CNTN5: variants seen among roughly 807,000 people sequenced by gnomAD.
The protein encoded by CNTN5 is contactin-5.
CNTN5 carries 77 observed loss-of-function variants against 129.1 expected under a neutral mutation model. That is an observed-to-expected ratio of 0.60 (90% confidence interval 0.50 to 0.72). CNTN5 has a LOEUF of 0.72. CNTN5 is among the 30% of genes least tolerant of loss of function. The pLI, the probability that CNTN5 is intolerant of heterozygous loss-of-function variation, is 0.00. For synonymous variants in CNTN5, 509 were observed against 465.6 expected (o/e 1.09, Z -1.20); for missense variants, 1,478 against 1,328.8 (o/e 1.11, Z -1.75).
intron 3 of CNTN5, among the ~76,000 whole-genome samples, chr11:99,775,763 T>C (rs764487793): frequency 6.6e-6 from 1 of 151,720 alleles, no homozygotes; most frequent in Non-Finnish European, 1.5e-5. Context: ...AGCATTAATA[T>C]ATTTTAAGTG....
At chr11:99,974,416 G>A (rs549540620) in intron 8 of CNTN5, among the ~76,000 whole-genome samples, 6 of 152,100 alleles carry the variant, frequency 3.9e-5, no homozygotes, top group South Asian at 2.1e-4. Flanking sequence ...CCTCCCTTAG[G>A]ATATCAGTGC....
At chr11:99,454,475 G>A (rs769944111) in intron 2 of CNTN5, among the ~76,000 whole-genome samples, 4 of 151,924 alleles carry the variant, frequency 2.6e-5, no homozygotes, top group Admixed American at 6.6e-5. Flanking sequence ...TCCTTCGCTC[G>A]GCACTTCTTC....
intron 3 of CNTN5, among the ~76,000 whole-genome samples, chr11:99,785,532 A>G (rs564268208): frequency 2.2e-4 from 34 of 152,298 alleles, no homozygotes; most frequent in African/African-American, 7.9e-4. Context: ...AAAACCTAGC[A>G]GAGACCCAAC....
At chr11:99,706,623 C>A (rs921921167) in intron 3 of CNTN5, among the ~76,000 whole-genome samples, 1 of 151,280 alleles carries the variant, frequency 6.6e-6, no homozygotes, top group African/African-American at 2.4e-5. Flanking sequence ...TATGTGGTGT[C>A]GTCAGAAACT....
intron 1 of CNTN5, among the ~76,000 whole-genome samples, chr11:99,201,062 T>C (rs1859155706): frequency 1.5e-5 from 2 of 131,622 alleles, no homozygotes; most frequent in Non-Finnish European, 3.2e-5. Flanking sequence ...TCTTGACCTG[T>C]CGCCCAGGCT....
chr11:99,835,104 A>C (rs934374919), intron 4 of CNTN5, among the ~76,000 whole-genome samples: 2 of 152,206 alleles, frequency 1.3e-5, no homozygotes, highest in Non-Finnish European at 2.9e-5. Context: ...CTTTACCCAG[A>C]TTATTGAGTC....
chr11:100,335,589 G>A (rs1167002967), intron 21 of CNTN5, among the ~76,000 whole-genome samples: 3 of 152,114 alleles, frequency 2.0e-5, no homozygotes, highest in Non-Finnish European at 4.4e-5. Flanking sequence ...CCAACATGGT[G>A]AAACCTCGTC....
At chr11:99,714,579 A>G (rs934342682) in intron 3 of CNTN5, among the ~76,000 whole-genome samples, 8 of 152,086 alleles carry the variant, frequency 5.3e-5, no homozygotes, top group Middle Eastern at 3.4e-3. Context: ...TTTAACATGC[A>G]TTATCTTAAG....
intron 8 of CNTN5, among the ~76,000 whole-genome samples, chr11:99,981,099 TATATACAC>T (rs1322059245): frequency 0.026 from 1,569 of 59,696 alleles, 20 homozygotes; most frequent in African/African-American, 0.082. Flanking sequence ...TATATATATA[TATATACAC>T]ACACACACAC....
At chr11:99,201,351 T>TTCCTTCCTTCC (rs59358470) in intron 1 of CNTN5, among the ~76,000 whole-genome samples, 6,809 of 88,108 alleles carry the variant, frequency 0.077, 577 homozygotes, top group Middle Eastern at 0.13. Context: ...CTTCCTTTCC[T>TTCCTTCCTTCC]TTCCTTCCTT....
chr11:100,245,359 A>G (rs1178348965), intron 16 of CNTN5, among the ~76,000 whole-genome samples: 2 of 152,144 alleles, frequency 1.3e-5, no homozygotes, highest in Non-Finnish European at 2.9e-5. Flanking sequence ...ATTTTAGAGA[A>G]TGTGCTTACT....
At chr11:99,287,087 GCTGT>G (rs1863972068) in intron 1 of CNTN5, among the ~76,000 whole-genome samples, 1 of 152,076 alleles carries the variant, frequency 6.6e-6, no homozygotes, top group African/African-American at 2.4e-5. Context: ...TATTTAAAAG[GCTGT>G]CATGTGGAAA....
chr11:100,014,318 A>G lies in CNTN5; in HGVS notation c.980+12182A>G, dbSNP rs1354718293. The stretch of plus-strand genomic sequence containing the variant: ...ATTATCGACCTCTGCCAAATCTTCC[A>G]TCCCAATCTGCCAGACATTTAAAAC... On this transcript the variant is annotated intron_variant, in intron 9 of 24. Coordinates refer to ENST00000524871, the MANE Select transcript of CNTN5 (RefSeq NM_014361.4). Among the ~76,000 whole-genome samples, 3 of 152,136 alleles carry G rather than the reference A, an allele frequency of 2.0e-5. No homozygotes were observed. In the East Asian group the frequency reaches 5.8e-4, roughly 29 times the overall value.
intron 3 of CNTN5, among the ~76,000 whole-genome samples, chr11:99,768,938 T>C (rs773321012): frequency 1.3e-5 from 2 of 152,204 alleles, no homozygotes; most frequent in Admixed American, 1.3e-4. Flanking sequence ...TCAATTATTA[T>C]ACTATAGAAC....
At position 100,074,186 on chromosome 11, in the gene CNTN5, T is replaced by G. The variant is rs768094136; in HGVS notation, c.1472T>G (p.Ile491Arg). 1 of 1,612,748 alleles carries G rather than the reference T, an allele frequency of 6.2e-7. No individual in the cohort carries two copies. The highest frequency in any genetic ancestry group is 8.5e-7 in the Non-Finnish European group (1 of 1,179,306). ...GCACTGAATCAACTGAAGAAAACAA[T>G]AATTGTTACCAAAGACCAAGAAGTT... ...TFALNQLKKT[I>R]IVTKDQEVVI... The change falls in exon 13 of 25, where the codon ATA becomes AGA. Residue 491 changes from isoleucine to arginine, a missense_variant. Coordinates refer to ENST00000524871, the MANE Select transcript of CNTN5 (RefSeq NM_014361.4).
chr11:99,531,238 C>T (rs937088832), intron 2 of CNTN5, among the ~76,000 whole-genome samples: 2 of 152,154 alleles, frequency 1.3e-5, no homozygotes, highest in Non-Finnish European at 2.9e-5. Context: ...AGACTGGCAG[C>T]ATTTGCCCCT....
chr11:99,226,620 A>G (rs1267489862), intron 1 of CNTN5, among the ~76,000 whole-genome samples: 1 of 152,202 alleles, frequency 6.6e-6, no homozygotes, highest in Non-Finnish European at 1.5e-5. Context: ...CTATGATTCC[A>G]TAAAACATAT....
chr11:100,102,279 T>C (rs1424916298), intron 13 of CNTN5, among the ~76,000 whole-genome samples: 2 of 152,006 alleles, frequency 1.3e-5, no homozygotes, highest in Non-Finnish European at 2.9e-5. Context: ...TAGGATGGTA[T>C]CTCATTGTGG....
At chr11:99,529,322 C>T (rs1947609631) in intron 2 of CNTN5, among the ~76,000 whole-genome samples, 1 of 152,186 alleles carries the variant, frequency 6.6e-6, no homozygotes, top group Non-Finnish European at 1.5e-5. Context: ...TTACTCCAGT[C>T]AAGTTGACAC....
Sources: allele counts gnomAD v4.1 joint callset (sites outside exome capture counted in the v4.1 genomes callset), GRCh38; gene constraint gnomAD v4.1.1; transcripts MANE v1.5; gene names NCBI Gene and HGNC (gene_info 2026-07-23, HGNC 2026-07-21).